The following PGAP4 variants were observed in gnomAD, a reference collection of about 807,000 sequenced individuals.
PGAP4 encodes GPI-N-acetylgalactosamine transferase PGAP4.
Under a neutral mutation model 28.2 loss-of-function variants are expected in PGAP4, and 12 were observed. That is an observed-to-expected ratio of 0.42 (90% CI 0.27 to 0.69). PGAP4 has a LOEUF of 0.69. PGAP4 is among the 30% of genes least tolerant of loss of function. PGAP4 has a pLI of 0.22. For missense variants in PGAP4, 425 were observed against 513.5 expected (o/e 0.83, Z 1.67); for synonymous variants, 205 against 211.8 (o/e 0.97, Z 0.28).
chr9:101,485,368 A>G (rs1474364531), intron 1 of PGAP4, among the ~76,000 whole-genome samples: 3 of 152,208 alleles, frequency 2.0e-5, no homozygotes, highest in Non-Finnish European at 2.9e-5. Context: ...ATACGCCCAT[A>G]TAACCATCAA....
intron 1 of PGAP4, among the ~76,000 whole-genome samples, chr9:101,478,625 G>A (rs921551453): frequency 6.6e-6 from 1 of 152,218 alleles, no homozygotes; most frequent in African/African-American, 2.4e-5. Flanking sequence ...CCTGGGACAA[G>A]GTAGTTGAGA....
chr9:101,531,455 C>G (rs961370751), exon 2 of PGAP4: 4 of 152,184 alleles, frequency 2.6e-5, no homozygotes, highest in Non-Finnish European at 5.9e-5. Flanking sequence ...TTGATTGGCT[C>G]CATTTCCCTG....
intron 2 of PGAP4, among the ~76,000 whole-genome samples, chr9:101,509,079 C>G (rs929045717): frequency 1.3e-5 from 2 of 152,158 alleles, no homozygotes; most frequent in Non-Finnish European, 2.9e-5. Context: ...CCTCTTCTAG[C>G]GTGGACAAAG....
At chr9:101,502,195 A>G (rs1382270203) in intron 2 of PGAP4, among the ~76,000 whole-genome samples, 1 of 152,030 alleles carries the variant, frequency 6.6e-6, no homozygotes, top group East Asian at 1.9e-4. Context: ...TAAATCCTAA[A>G]TACTCTGTTG....
rs1417916351 is a variant in PGAP4 at position 101,476,034 on chromosome 9, T to C, written c.1059A>G (p.Gln353=). ...TGCCAAAGCCCTTGTGGCAGTACACTTGGGACAGGTAGGTGAGGGTCCGGC... is the reference window on the plus strand; with the variant it reads ...TGCCAAAGCCCTTGTGGCAGTACACCTGGGACAGGTAGGTGAGGGTCCGGC... ...AARRTLTYLS[Q]VYCHKGFGKD... The change falls in exon 2 of 2, where the codon CAA becomes CAG. Residue 353 remains glutamine (Q), a synonymous_variant. Transcript: ENST00000374848. This position sits in a 1 kb window ranked among gnomAD's most constrained non-coding sequence, Gnocchi z 7.0. The C allele has an allele frequency of 6.2e-7, 1 of 1,613,882 alleles. No homozygotes were observed. The highest frequency in any genetic ancestry group is 1.3e-5 in the African/African-American group (1 of 74,852).
chr9:101,479,385 A>G (rs949339597), intron 1 of PGAP4, among the ~76,000 whole-genome samples: 1 of 152,224 alleles, frequency 6.6e-6, no homozygotes, highest in African/African-American at 2.4e-5. Context: ...AGCTGGATCA[A>G]TCTAGAGGAG....
chr9:101,473,372 A>C lies in PGAP4; in HGVS notation c.*2509T>G, dbSNP rs891069511. Reference sequence around the variant, plus strand: ...TCTCCCTAGCCCCTTGCTTAGGATTAAGTGAGAGACTTCAGCTTTGGTGTA... The same window carrying C: ...TCTCCCTAGCCCCTTGCTTAGGATTCAGTGAGAGACTTCAGCTTTGGTGTA... On this transcript the variant is annotated 3_prime_UTR_variant, in exon 2 of 2. Coordinates refer to ENST00000374848, the MANE Select transcript of PGAP4 (RefSeq NM_032342.3). 2.0e-5 allele frequency: 3 copies of C among 152,260 alleles called. No individual in the cohort carries two copies. Among genetic ancestry groups the C allele is most frequent in the African/African-American group, 7.2e-5 (3 of 41,462 alleles). The allele number at this position is 152,260 out of a possible 1,614,324, so 9.4% of individuals were successfully genotyped here. A position where few individuals can be genotyped will look rare whatever the true frequency, so the allele number is the denominator to read the frequency against.
chr9:101,491,885 C>T (rs1826693385), upstream of PGAP4, among the ~76,000 whole-genome samples: 1 of 140,108 alleles, frequency 7.1e-6, no homozygotes, highest in Admixed American at 7.3e-5. Context: ...TTTAGTGGCC[C>T]AGAATATAGC....
intron 1 of PGAP4, among the ~76,000 whole-genome samples, chr9:101,483,015 A>C (rs1001786027): frequency 6.6e-6 from 1 of 152,250 alleles, no homozygotes; most frequent in Non-Finnish European, 1.5e-5. Context: ...AGGAAATTCA[A>C]GGACAAGGAT....
At chr9:101,502,513 C>T (rs576580314) in intron 2 of PGAP4, among the ~76,000 whole-genome samples, 140 of 152,136 alleles carry the variant, frequency 9.2e-4, no homozygotes, top group African/African-American at 3.3e-3. Context: ...CCTCCAATGA[C>T]AGACATTGAG....
intron 2 of PGAP4, among the ~76,000 whole-genome samples, chr9:101,512,293 C>T (rs551118015): frequency 1.3e-5 from 2 of 152,202 alleles, no homozygotes; most frequent in South Asian, 4.1e-4. Flanking sequence ...GCCAGTTTTT[C>T]CTAAAAATAC....
At chr9:101,494,634 A>T (rs571922898) in intron 2 of PGAP4, among the ~76,000 whole-genome samples, 1 of 151,832 alleles carries the variant, frequency 6.6e-6, no homozygotes, top group Non-Finnish European at 1.5e-5. Context: ...TTTAAAACTT[A>T]TCAGAAATCT....
intron 2 of PGAP4, among the ~76,000 whole-genome samples, chr9:101,493,404 G>A (rs1007629909): frequency 6.6e-6 from 1 of 152,076 alleles, no homozygotes; most frequent in Non-Finnish European, 1.5e-5. Flanking sequence ...GTCAGCCATG[G>A]ATTTGGGCAG....
At chr9:101,514,134 A>C (rs1244777780) in intron 2 of PGAP4, among the ~76,000 whole-genome samples, 1 of 152,110 alleles carries the variant, frequency 6.6e-6, no homozygotes, top group Non-Finnish European at 1.5e-5. Context: ...ACCCTCACAG[A>C]TAGCCAGAGG....
chr9:101,529,530 C>T (rs7023854), intron 2 of PGAP4, among the ~76,000 whole-genome samples: 70,025 of 152,000 alleles, frequency 0.46, 16,383 homozygotes, highest in East Asian at 0.66. Context: ...TTAGCTCTCA[C>T]GTTTCCATAG....
chr9:101,504,039 T>C (rs1340531933), intron 2 of PGAP4, among the ~76,000 whole-genome samples: 1 of 140,364 alleles, frequency 7.1e-6, no homozygotes, highest in Non-Finnish European at 1.6e-5. Context: ...AAAGGCCAGT[T>C]TTTTTTCTAA....
rs1022349335 is a variant in PGAP4, at chr9:101,508,335, C to T, written c.-164-19135G>A. Among the ~76,000 whole-genome samples, 85 of 152,020 alleles carry T rather than the reference C, an allele frequency of 5.6e-4. 2 individuals carry two copies. The highest frequency in any genetic ancestry group is 9.7e-5 in the African/African-American group (4 of 41,398). On this transcript the variant is annotated intron_variant, in intron 2 of 3. Coordinates refer to the PGAP4 transcript ENST00000374851. Reference sequence around the variant, plus strand: ...CTGACTGACAGTTGCTATGCCTTTGCGGTAGTTCATAACTTCGGAATGCTT... The same window carrying T: ...CTGACTGACAGTTGCTATGCCTTTGTGGTAGTTCATAACTTCGGAATGCTT...
intron 2 of PGAP4, among the ~76,000 whole-genome samples, chr9:101,519,702 C>CAT (rs200458633): frequency 0.016 from 2,406 of 151,168 alleles, 58 homozygotes; most frequent in African/African-American, 0.055. Flanking sequence ...CAGACACACA[C>CAT]ATATATATAT....
At chr9:101,479,063 G>C (rs1291007225) in intron 1 of PGAP4, among the ~76,000 whole-genome samples, 2 of 152,006 alleles carry the variant, frequency 1.3e-5, no homozygotes, top group African/African-American at 4.8e-5. Flanking sequence ...AAGAGATCTG[G>C]ATAGTACCCA....
Sources: gnomAD v4.1 joint callset for allele counts (sites outside exome capture counted in the v4.1 genomes callset) on GRCh38, gnomAD v4.1.1 for gene constraint, Gnocchi (gnomAD v3.1) non-coding constraint, MANE v1.5 for transcripts, NCBI Gene and HGNC (gene_info 2026-07-23, HGNC 2026-07-21) for gene names.